Variants in TNC observed in about 807,000 individuals in gnomAD.
The protein encoded by TNC is tenascin.
Under a neutral mutation model 202.4 loss-of-function variants are expected in TNC, and 109 were observed. The ratio of observed to expected loss-of-function variants is 0.54; its 90% CI spans 0.46 to 0.63. The LOEUF (loss-of-function observed/expected upper bound fraction) is 0.63. TNC is among the 30% of genes least tolerant of loss of function. The pLI is 0.00. For synonymous variants in TNC, 1,007 were observed against 1,089.7 expected, an observed-to-expected ratio of 0.92 and a Z score of 1.50; for missense variants, 2,756 against 2,833.3, an observed-to-expected ratio of 0.97 and a Z score of 0.62.
rs569566035 is a variant in TNC at position 115,064,478 on chromosome 9, T to G, written c.3487+169A>C. ...GTGTCATTCATGTGGAGTGAAGTAT[T>G]AAAAGTTGCCTTGGGGTTCTGTAGC... On this transcript the variant is annotated intron_variant, in intron 11 of 27. Coordinates refer to ENST00000350763, the MANE Select transcript of TNC (RefSeq NM_002160.4). 2.0e-5 allele frequency among the ~76,000 whole-genome samples: 3 copies of G among 152,242 alleles called. No individual in the cohort carries two copies. In the East Asian group the frequency reaches 5.8e-4, roughly 29 times the overall value.
At chr9:115,047,468 G>C (rs375900362) in intron 16 of TNC, among the ~76,000 whole-genome samples, 3 of 152,094 alleles carry the variant, frequency 2.0e-5, no homozygotes, top group African/African-American at 7.2e-5. Context: ...TCCTTAAAAA[G>C]TATCCTTTGT....
Position 115,057,305 on chromosome 9 carries a change from T to C in TNC, c.4427A>G (p.Asn1476Ser), listed in dbSNP as rs768830012. Residue 1476 changes from asparagine (N) to serine (S), a missense_variant, in exon 15 of 28, where the codon AAT (asparagine) becomes AGT (serine). Asn to Ser is a conservative substitution (Grantham distance 46). Transcript: ENST00000350763. ...ETFTIEIIDS[N>S]RLLETVEYNI... ...ATATTCCACAGTCTCCAGCAACCTA[T>C]TGGAATCAATAATTTCAATGGTAAA... 48 of 1,614,036 alleles carry C rather than the reference T, an allele frequency of 3.0e-5. No homozygotes were observed. Among genetic ancestry groups the C allele is most frequent in the Admixed American group, 2.0e-4 (12 of 59,992 alleles).
intron 22 of TNC, among the ~76,000 whole-genome samples, chr9:115,032,440 C>T (rs1326395139): frequency 6.6e-6 from 1 of 152,204 alleles, no homozygotes; most frequent in East Asian, 1.9e-4. Flanking sequence ...CCAAGCTGTG[C>T]TTTAAGAAGC....
rs1257057354 is a variant in TNC at position 115,082,676 on chromosome 9, C to A, written c.2247+16G>T. 1 of 1,563,312 alleles carries A rather than the reference C, an allele frequency of 6.4e-7. No homozygotes were observed. The highest frequency in any genetic ancestry group is 8.8e-7 in the Non-Finnish European group (1 of 1,133,922). On this transcript the variant is annotated intron_variant, in intron 5 of 27. Coordinates refer to ENST00000350763, the MANE Select transcript of TNC (RefSeq NM_002160.4). ...ATCCTTGAGATCAAATGGATCTGCTCTTTTGTACTCCTTACCATATTCCGG... is the reference window on the plus strand; with the variant it reads ...ATCCTTGAGATCAAATGGATCTGCTATTTTGTACTCCTTACCATATTCCGG...
chr9:115,071,092 T>A (rs894802304), intron 10 of TNC, among the ~76,000 whole-genome samples: 2 of 152,214 alleles, frequency 1.3e-5, no homozygotes, highest in Admixed American at 1.3e-4. Context: ...TCCTTGGAAT[T>A]AAATACCCGT....
intron 1 of TNC, among the ~76,000 whole-genome samples, chr9:115,111,399 C>CTCTTTTTTTTTTT (rs1174066886): frequency 2.8e-5 from 2 of 71,360 alleles, no homozygotes; most frequent in African/African-American, 1.2e-4. Context: ...CTCTCTCTCT[C>CTCTTTTTTTTTTT]TTTTTTTTTT....
chr9:115,095,672 G>A (rs10982525), intron 1 of TNC, among the ~76,000 whole-genome samples: 1 of 55,496 alleles, frequency 1.8e-5, no homozygotes, highest in African/African-American at 7.6e-5. Context: ...ATATATATAT[G>A]TATATATATG....
In TNC at chr9:115,041,088, G is replaced by C. The variant is rs761600169; in HGVS notation, c.5249-4C>G. The stretch of plus-strand genomic sequence containing the variant: ...ACAGTTACCATGGAGGGTGTACCTG[G>C]AACACAGTAAAAGCAAGATGAGGAA... On this transcript the variant is annotated splice_polypyrimidine_tract_variant and splice_region_variant and intron_variant, in intron 18 of 27. Transcript: ENST00000350763. The C allele has an allele frequency of 6.2e-7, 1 of 1,608,794 alleles. No individual in the cohort carries two copies. The highest frequency in any genetic ancestry group is 1.1e-5 in the South Asian group (1 of 90,368).
In TNC at chr9:115,111,399, C is replaced by CTTTTTTTTTTT. The variant is rs71375272; in HGVS notation, c.-137+6572_-137+6582dup. ...GCTTATAGACTTTCTCTCTCTCTCT[C>CTTTTTTTTTTT]TTTTTTTTTTTTTTTTTTTTTTTTT... On this transcript the variant is annotated intron_variant, in intron 1 of 27. Coordinates refer to ENST00000350763, the MANE Select transcript of TNC (RefSeq NM_002160.4). Among the ~76,000 whole-genome samples, 110 of 71,356 alleles carry CTTTTTTTTTTT rather than the reference C, an allele frequency of 1.5e-3. 2 individuals are homozygous for CTTTTTTTTTTT. The highest frequency in any genetic ancestry group is 6.6e-3 in the African/African-American group (109 of 16,622). 46.8% of individuals were successfully genotyped at this position (71,356 alleles called of 152,430 possible).
rs148675378 is a variant in TNC, at chr9:115,086,097, C to A, written c.1634G>T (p.Gly545Val). 218 of 1,613,440 alleles carry A rather than the reference C, an allele frequency of 1.4e-4. 1 individual carries two copies. In the African/African-American group the frequency reaches 2.6e-3, roughly 19 times the overall value. Residue 545 changes from glycine (G) to valine (V), a missense_variant, in exon 3 of 28, where the codon GGG becomes GTG. Physicochemically the swap from Gly to Val is moderately radical, Grantham distance 109. Transcript: ENST00000350763. The part of the protein sequence containing the change: ...DCHGQGRCVN[G>V]QCVCHEGFMG... ...AAATCCTTCATGGCACACGCACTGC[C>A]CATTCACACAGCGACCCTGGCCATG...
rs1209663750 is a variant in TNC at position 115,086,828 on chromosome 9, A to G, written c.903T>C (p.Cys301=). ...RGRCVENECV[C]DEGFTGEDCS... is the part of the protein sequence containing the mutation. ...AGTCTTCGCCCGTGAAACCCTCATC[A>G]CACACGCACTCATTCTCCACGCATC... is the stretch of plus-strand genomic sequence containing the variant. The change falls in exon 3 of 28, where the codon TGT becomes TGC. Residue 301 remains cysteine (C), a synonymous_variant. Transcript: ENST00000350763. 2 of 1,614,000 alleles carry G rather than the reference A, an allele frequency of 1.2e-6. No homozygotes were observed. The highest frequency in any genetic ancestry group is 1.7e-6 in the Non-Finnish European group (2 of 1,180,042).
chr9:115,035,323 G>A lies in TNC; in HGVS notation c.5668C>T (p.Pro1890Ser). The A allele has an allele frequency of 6.2e-7, 1 of 1,611,806 alleles. No homozygotes were observed. Among genetic ancestry groups the A allele is most frequent in the Non-Finnish European group, 8.5e-7 (1 of 1,179,034 alleles). The change falls in exon 22 of 28, where the codon CCA (proline) becomes TCA (serine). Residue 1890 changes from proline (P) to serine (S), a missense_variant. Coordinates refer to ENST00000350763, the MANE Select transcript of TNC (RefSeq NM_002160.4). ...ACCTCAGTAGCAGTCAAGTCTCTTG[G>A]AGAATCGAGGTCTGGAGAAGACAGG... ...TAKFTTDLDSPRDLTATEVQS... is the reference protein window; with the variant it reads ...TAKFTTDLDSSRDLTATEVQS...
At chr9:115,068,703 A>G (rs1424970916) in intron 10 of TNC, among the ~76,000 whole-genome samples, 1 of 152,206 alleles carries the variant, frequency 6.6e-6, no homozygotes, top group African/African-American at 2.4e-5. Flanking sequence ...ATATAGCAGG[A>G]CTGTATAGCT....
intron 16 of TNC, among the ~76,000 whole-genome samples, chr9:115,047,531 C>T (rs896997260): frequency 1.3e-5 from 2 of 152,006 alleles, no homozygotes; most frequent in Admixed American, 1.3e-4. Flanking sequence ...AGATGATGCA[C>T]GTTAGGGTGT....
At chr9:115,068,047 G>A (rs988793363) in intron 10 of TNC, among the ~76,000 whole-genome samples, 1 of 151,964 alleles carries the variant, frequency 6.6e-6, no homozygotes, top group African/African-American at 2.4e-5. Flanking sequence ...TGAAAGAAGG[G>A]GGAATATTAT....
Position 115,073,739 on chromosome 9 carries a change from C to T in TNC, c.3078G>A (p.Trp1026Ter). 1 of 1,614,174 alleles carries T rather than the reference C, an allele frequency of 6.2e-7. No individual in the cohort carries two copies. Among genetic ancestry groups the T allele is most frequent in the Non-Finnish European group, 8.5e-7 (1 of 1,180,030 alleles). ...TGTTTCTTGGAAGCTGCACTCCCAC[C>T]CACTGGCCTGTGGGGAGACTGTAAT... is the stretch of plus-strand genomic sequence containing the variant. Reference protein sequence around the residue: ...RLNYSLPTGQWVGVQLPRNTT... With the variant: ...RLNYSLPTGQ Residue 1026 changes from tryptophan to a stop codon, truncating the protein, a stop_gained, in exon 10 of 28, where the codon TGG becomes TGA. Coordinates refer to ENST00000350763, the MANE Select transcript of TNC (RefSeq NM_002160.4). LOFTEE classifies it high-confidence loss of function.
chr9:115,086,192 G>T lies in TNC; in HGVS notation c.1539C>A (p.Asp513Glu), dbSNP rs112399292. ...AGCCGTCCTCACAGACGCACTGTCC[G>T]TCCACACAGAGGCCCCTGTTGCTGC... is the stretch of plus-strand genomic sequence containing the variant. ...RDCSNRGLCV[D>E]GQCVCEDGFT... is the part of the protein sequence containing the mutation. The change falls in exon 3 of 28, where the codon GAC becomes GAA. Residue 513 changes from aspartate to glutamate, a missense_variant. Physicochemically the swap from Asp to Glu is conservative, Grantham distance 45. Transcript: ENST00000350763. 1 of 1,614,112 alleles carries T rather than the reference G, an allele frequency of 6.2e-7. No homozygotes were observed. Among genetic ancestry groups the T allele is most frequent in the Admixed American group, 1.7e-5 (1 of 60,036 alleles).
chr9:115,094,518 G>A lies in TNC; in HGVS notation c.-136-3364C>T, dbSNP rs115992320. On this transcript the variant is annotated intron_variant, in intron 1 of 27. Coordinates refer to ENST00000350763, the MANE Select transcript of TNC (RefSeq NM_002160.4). ...GGAAACTTACTTGAGATTGCAGTTG[G>A]AGGTATTTAGGTCAGACATGAAGAA... is the stretch of plus-strand genomic sequence containing the variant. Among the ~76,000 whole-genome samples, 1,370 of 152,268 alleles carry A rather than the reference G, an allele frequency of 9.0e-3. 28 individuals are homozygous for A. Among genetic ancestry groups the A allele is most frequent in the African/African-American group, 0.031 (1,286 of 41,564 alleles).
intron 3 of TNC, 121 bp from the exon 4 acceptor site, chr9:115,084,593 T>A: frequency 8.1e-7 from 1 of 1,227,580 alleles, no homozygotes; most frequent in Non-Finnish European, 1.1e-6. Context: ...CTGTTGCCTC[T>A]AAAATGCAGA....
Sources: gnomAD v4.1 joint callset for allele counts (sites outside exome capture counted in the v4.1 genomes callset) on GRCh38, gnomAD v4.1.1 for gene constraint, MANE v1.5 for transcripts, NCBI Gene and HGNC (gene_info 2026-07-23, HGNC 2026-07-21) for gene names.